The following ADGRB3 variants were observed in gnomAD, a reference collection of about 807,000 sequenced individuals.
ADGRB3 encodes adhesion G protein-coupled receptor B3, also known as brain-specific angiogenesis inhibitor 3.
ADGRB3 carries 37 observed loss-of-function variants against 193.4 expected under a neutral mutation model. The ratio of observed to expected loss-of-function variants is 0.19; its 90% confidence interval spans 0.15 to 0.25. The LOEUF is 0.25. Ranked by LOEUF, ADGRB3 falls within the 10% of genes least tolerant of loss-of-function variation. ADGRB3 has a pLI of 1.00. For missense variants in ADGRB3, 1,637 were observed against 1,852.9 expected (o/e 0.88, Z 2.14); for synonymous variants, 690 against 644.2 (o/e 1.07, Z -1.08).
At chr6:69,226,165 A>G (rs1229064819) in intron 17 of ADGRB3, among the ~76,000 whole-genome samples, 1 of 152,200 alleles carries the variant, frequency 6.6e-6, no homozygotes. Flanking sequence ...TTATGACACA[A>G]AAGCAGTGAC....
At chr6:69,122,987 C>T (rs1243356318) in intron 17 of ADGRB3, among the ~76,000 whole-genome samples, 3 of 115,832 alleles carry the variant, frequency 2.6e-5, no homozygotes, top group Non-Finnish European at 3.7e-5. Context: ...TATATATATA[C>T]ACATACGTGT....
At chr6:68,942,887 A>G (rs1445451966) in intron 5 of ADGRB3, among the ~76,000 whole-genome samples, 5 of 152,206 alleles carry the variant, frequency 3.3e-5, no homozygotes, top group Non-Finnish European at 7.3e-5. Flanking sequence ...CTGGGATTAC[A>G]TGCATGAGCC....
intron 17 of ADGRB3, among the ~76,000 whole-genome samples, chr6:69,083,384 G>A (rs1772448885): frequency 6.6e-6 from 1 of 152,144 alleles, no homozygotes; most frequent in Admixed American, 6.5e-5. Context: ...TATCAGTAAT[G>A]TGTTCATTCA....
At chr6:68,684,935 G>A (rs1764955866) in intron 3 of ADGRB3, among the ~76,000 whole-genome samples, 2 of 152,040 alleles carry the variant, frequency 1.3e-5, no homozygotes, top group African/African-American at 4.8e-5. Flanking sequence ...AAAGAAAAAG[G>A]AGAGTATGCT....
intron 3 of ADGRB3, among the ~76,000 whole-genome samples, chr6:68,747,848 T>G (rs547289632): frequency 6.6e-6 from 1 of 152,242 alleles, no homozygotes; most frequent in Non-Finnish European, 1.5e-5. Flanking sequence ...GATAGAGACA[T>G]ACCCGTGACT....
intron 3 of ADGRB3, among the ~76,000 whole-genome samples, chr6:68,815,764 T>C (rs985938290): frequency 6.6e-6 from 1 of 152,132 alleles, no homozygotes; most frequent in African/African-American, 2.4e-5. Flanking sequence ...GAAATAAATT[T>C]ATATTAAAGA....
chr6:69,350,349 A>G (rs571378562), intron 26 of ADGRB3, among the ~76,000 whole-genome samples: 8 of 150,392 alleles, frequency 5.3e-5, no homozygotes, highest in African/African-American at 2.0e-4. Flanking sequence ...AAAGTCTCCT[A>G]AATATCCCAA....
intron 3 of ADGRB3, among the ~76,000 whole-genome samples, chr6:68,737,826 G>A (rs1053476373): frequency 1.1e-4 from 16 of 152,132 alleles, no homozygotes; most frequent in African/African-American, 3.9e-4. Context: ...TTCCTACCGG[G>A]CAGGTACTAC....
chr6:68,807,862 A>G (rs1286470620), intron 3 of ADGRB3, among the ~76,000 whole-genome samples: 1 of 152,180 alleles, frequency 6.6e-6, no homozygotes, highest in African/African-American at 2.4e-5. Context: ...TTAATACTGT[A>G]GAGAATTTAA....
chr6:69,097,754 C>T (rs892515794), intron 17 of ADGRB3, among the ~76,000 whole-genome samples: 10 of 151,668 alleles, frequency 6.6e-5, no homozygotes, highest in Non-Finnish European at 1.2e-4. Context: ...TTGGAAAAAC[C>T]TAGACATATC....
At chr6:68,998,927 A>G (rs1448090262) in intron 11 of ADGRB3, among the ~76,000 whole-genome samples, 4 of 152,120 alleles carry the variant, frequency 2.6e-5, no homozygotes, top group Non-Finnish European at 4.4e-5. Flanking sequence ...ATAAAACTGT[A>G]TTTTATCCTG....
intron 15 of ADGRB3, among the ~76,000 whole-genome samples, chr6:69,060,005 G>T (rs549523418): frequency 6.6e-6 from 1 of 150,434 alleles, no homozygotes; most frequent in South Asian, 2.1e-4. Context: ...TTATCATATG[G>T]AAAAAGACAT....
At chr6:68,707,642 A>G (rs1019458878) in intron 3 of ADGRB3, among the ~76,000 whole-genome samples, 1 of 152,198 alleles carries the variant, frequency 6.6e-6, no homozygotes, top group Non-Finnish European at 1.5e-5. Flanking sequence ...TTGAGAAATA[A>G]TCTTTGTTCT....
chr6:69,358,294 G>A (rs370366464), intron 28 of ADGRB3, among the ~76,000 whole-genome samples: 3 of 151,956 alleles, frequency 2.0e-5, no homozygotes, highest in African/African-American at 7.2e-5. Flanking sequence ...TTGGGGTATA[G>A]GAACTAGTTA....
At position 69,014,114 on chromosome 6, in the gene ADGRB3, T is replaced by G; in HGVS notation, c.1998+8T>G. 6.3e-7 allele frequency: 1 copy of G among 1,585,272 alleles called. No individual in the cohort carries two copies. The highest frequency in any genetic ancestry group is 8.6e-7 in the Non-Finnish European group (1 of 1,164,080). The stretch of plus-strand genomic sequence containing the variant: ...TGGGAAGATGCACAACAGGTAAGGT[T>G]AGGGTTATTTCAGAACTTGAAGTTG... On this transcript the variant is annotated splice_region_variant and intron_variant, in intron 12 of 31. Transcript: ENST00000370598.
rs548633296 is a variant in ADGRB3, at chr6:69,173,293, C to T, written c.2481-59997C>T. ...CCTCAGGTGATCCACCCACCTCGGC[C>T]TCCCAAAGTCCTGGTATTACAGGCG... On this transcript the variant is annotated intron_variant, in intron 17 of 31. Coordinates refer to ENST00000370598, the MANE Select transcript of ADGRB3 (RefSeq NM_001704.3). 2.0e-5 allele frequency among the ~76,000 whole-genome samples: 3 copies of T among 152,356 alleles called. No individual in the cohort carries two copies. In the South Asian group the frequency reaches 6.2e-4, roughly 32 times the overall value.
chr6:69,155,031 C>T (rs532524112), intron 17 of ADGRB3, among the ~76,000 whole-genome samples: 11 of 152,166 alleles, frequency 7.2e-5, no homozygotes, highest in Middle Eastern at 3.4e-3. Context: ...GCATTTTGCC[C>T]ACATCTGATT....
intron 17 of ADGRB3, among the ~76,000 whole-genome samples, chr6:69,149,079 T>A (rs1774588583): frequency 6.6e-6 from 1 of 152,196 alleles, no homozygotes; most frequent in Non-Finnish European, 1.5e-5. Context: ...TTGATATTTT[T>A]CACTAGGATT....
intron 12 of ADGRB3, among the ~76,000 whole-genome samples, chr6:69,015,384 T>TATA (rs1203716989): frequency 6.6e-6 from 1 of 152,028 alleles, no homozygotes; most frequent in Non-Finnish European, 1.5e-5. Flanking sequence ...GTTAGCTATA[T>TATA]TCTTATATTT....
Sources: allele counts gnomAD v4.1 joint callset (sites outside exome capture counted in the v4.1 genomes callset), GRCh38; gene constraint gnomAD v4.1.1; transcripts MANE v1.5; gene names NCBI Gene and HGNC (gene_info 2026-07-23, HGNC 2026-07-21).